The following PTPRT variants were observed in gnomAD, a reference collection of about 807,000 sequenced individuals.
PTPRT encodes receptor-type tyrosine-protein phosphatase T.
In PTPRT, 56 loss-of-function variants were observed where a neutral mutation model predicts 176.8. That is an observed-to-expected ratio of 0.32 (90% confidence interval 0.26 to 0.40). The LOEUF is 0.40. Ranked by LOEUF, PTPRT falls within the 10% of genes least tolerant of loss-of-function variation. The probability of loss-of-function intolerance (pLI) is 1.00; values close to 1 mark genes in which losing one functional copy is unlikely to be tolerated. For missense variants in PTPRT, 1,540 were observed against 1,908.2 expected (o/e 0.81, Z 3.60); for synonymous variants, 783 against 739.0 (o/e 1.06, Z -0.96).
rs1434947177 is a variant in PTPRT, at chr20:42,282,532, A to G, written c.2140-7T>C. The stretch of plus-strand genomic sequence containing the variant: ...CACAGTTGATTTTGGTCTCCTGTGA[A>G]CAACAAAAATGAGATGCCAATTAAT... On this transcript the variant is annotated splice_polypyrimidine_tract_variant and splice_region_variant and intron_variant, in intron 12 of 30. Transcript: ENST00000373187. 1 of 1,606,628 alleles carries G rather than the reference A, an allele frequency of 6.2e-7. No homozygotes were observed. The highest frequency in any genetic ancestry group is 1.1e-5 in the South Asian group (1 of 89,510).
chr20:42,721,870 T>C (rs2146233952), intron 6 of PTPRT, among the ~76,000 whole-genome samples: 1 of 152,292 alleles, frequency 6.6e-6, no homozygotes, highest in South Asian at 2.1e-4. Flanking sequence ...ATCAGTAAAA[T>C]GCCATTTAGT....
chr20:42,870,553 G>A (rs2078827601), intron 2 of PTPRT, among the ~76,000 whole-genome samples: 1 of 152,242 alleles, frequency 6.6e-6, no homozygotes, highest in East Asian at 1.9e-4. Context: ...CGTCAATGAC[G>A]GACTGCACAT....
chr20:42,186,947 T>C (rs901475037), intron 16 of PTPRT, among the ~76,000 whole-genome samples: 1 of 152,310 alleles, frequency 6.6e-6, no homozygotes, highest in African/African-American at 2.4e-5. Context: ...AAGATTAATC[T>C]ATGTTACATC....
At chr20:42,278,938 C>T (rs1336157753) in intron 13 of PTPRT, among the ~76,000 whole-genome samples, 2 of 152,170 alleles carry the variant, frequency 1.3e-5, no homozygotes, top group African/African-American at 4.8e-5. Flanking sequence ...GAGCCCATCC[C>T]TCATCTTCCA....
At chr20:42,563,972 T>A (rs897228904) in intron 7 of PTPRT, among the ~76,000 whole-genome samples, 1 of 152,164 alleles carries the variant, frequency 6.6e-6, no homozygotes, top group Admixed American at 6.5e-5. Context: ...TATCGGTGGC[T>A]CCACTGTCCC....
At chr20:43,074,752 C>A (rs957376651) in intron 1 of PTPRT, among the ~76,000 whole-genome samples, 14 of 152,224 alleles carry the variant, frequency 9.2e-5, no homozygotes, top group African/African-American at 3.4e-4. Context: ...TTGGGTCTTG[C>A]CATTTCAAGA....
chr20:43,140,127 A>T (rs1406497564), intron 1 of PTPRT, among the ~76,000 whole-genome samples: 1 of 152,204 alleles, frequency 6.6e-6, no homozygotes, highest in Non-Finnish European at 1.5e-5. Flanking sequence ...ACATGTATTT[A>T]AATATGTGTG....
At chr20:42,962,352 G>A (rs1321978267) in intron 1 of PTPRT, among the ~76,000 whole-genome samples, 2 of 152,062 alleles carry the variant, frequency 1.3e-5, no homozygotes, top group Non-Finnish European at 2.9e-5. Flanking sequence ...AGGTACCAGT[G>A]CAGACAGAAA....
At chr20:42,094,357 AT>A (rs3091952) in intron 27 of PTPRT, among the ~76,000 whole-genome samples, 93,607 of 151,950 alleles carry the variant, frequency 0.62, 29,393 homozygotes, top group African/African-American at 0.73. Flanking sequence ...GAATTCATTT[AT>A]TTTTTATAGT....
chr20:42,099,834 C>T (rs751903941), intron 26 of PTPRT, among the ~76,000 whole-genome samples: 73 of 152,036 alleles, frequency 4.8e-4, no homozygotes, highest in Admixed American at 3.4e-3. Flanking sequence ...GCCCTTCTTC[C>T]GAGGGCCTTT....
chr20:42,936,041 T>C (rs891124769), intron 1 of PTPRT, among the ~76,000 whole-genome samples: 1 of 152,220 alleles, frequency 6.6e-6, no homozygotes, highest in African/African-American at 2.4e-5. Context: ...CAAACACTAT[T>C]CTAAATGCTA....
intron 3 of PTPRT, among the ~76,000 whole-genome samples, chr20:42,784,017 G>C (rs1190349121): frequency 6.6e-6 from 1 of 152,138 alleles, no homozygotes; most frequent in African/African-American, 2.4e-5. Context: ...CAGCTCCAAG[G>C]CTGCCATGTG....
At position 42,194,136 on chromosome 20, in the gene PTPRT, A is replaced by G. The variant is rs147957083; in HGVS notation, c.2491+5104T>C. ...GTTTTGCAGAAAGACTTCGTAAACT[A>G]TGAAAGGCTTACAAGTAGAACCATG... On this transcript the variant is annotated intron_variant, in intron 16 of 30. Transcript: ENST00000373187. 2.2e-4 allele frequency among the ~76,000 whole-genome samples: 33 copies of G among 152,330 alleles called. No individual in the cohort carries two copies. The East Asian group carries it at 5.4e-3, about 25-fold the overall frequency.
At chr20:42,686,904 G>GT (rs1217808501) in intron 6 of PTPRT, among the ~76,000 whole-genome samples, 2 of 152,070 alleles carry the variant, frequency 1.3e-5, no homozygotes, top group East Asian at 1.9e-4. Flanking sequence ...TAAAGGATCT[G>GT]TTTTTTGGGG....
chr20:42,135,035 A>G (rs75041004), intron 18 of PTPRT, among the ~76,000 whole-genome samples: 1,603 of 152,282 alleles, frequency 0.011, 29 homozygotes, highest in African/African-American at 0.035. Flanking sequence ...CTGGGCTCCA[A>G]TTCTTCCTCT....
intron 2 of PTPRT, among the ~76,000 whole-genome samples, chr20:42,880,823 A>G (rs2079001406): frequency 6.6e-6 from 1 of 152,224 alleles, no homozygotes; most frequent in Non-Finnish European, 1.5e-5. Context: ...ATGGACAGAG[A>G]TGAGGAAAAG....
chr20:42,164,226 G>C (rs1478677206), intron 16 of PTPRT, among the ~76,000 whole-genome samples: 1 of 152,212 alleles, frequency 6.6e-6, no homozygotes, highest in Non-Finnish European at 1.5e-5. Context: ...CTGCATGGGA[G>C]ACCAGCTGCC....
At chr20:42,771,748 A>G (rs1207578720) in intron 4 of PTPRT, among the ~76,000 whole-genome samples, 198 bp from the exon 5 acceptor site, 1 of 152,206 alleles carries the variant, frequency 6.6e-6, no homozygotes. Flanking sequence ...AATCTCACTG[A>G]AACCTCACAG....
At chr20:42,655,866 A>T (rs1358505244) in intron 7 of PTPRT, among the ~76,000 whole-genome samples, 1 of 152,210 alleles carries the variant, frequency 6.6e-6, no homozygotes, top group African/African-American at 2.4e-5. Flanking sequence ...GTAGTCAGGC[A>T]TAAGGACTTG....
Sources: allele counts gnomAD v4.1 joint callset (sites outside exome capture counted in the v4.1 genomes callset), GRCh38; gene constraint gnomAD v4.1.1; transcripts MANE v1.5; gene names NCBI Gene and HGNC (gene_info 2026-07-23, HGNC 2026-07-21).